UBE2E2: variants seen among roughly 807,000 people sequenced by gnomAD.
The protein encoded by UBE2E2 is ubiquitin conjugating enzyme E2 E2, also known as ubiquitin-conjugating enzyme E2 E2.
In UBE2E2, 6 loss-of-function variants were observed where a neutral mutation model predicts 24.7. The observed-to-expected ratio is 0.24, with a 90% CI of 0.13 to 0.48. UBE2E2 has a LOEUF of 0.48. UBE2E2 is among the 20% of genes least tolerant of loss of function. The pLI is 0.99. For synonymous variants in UBE2E2, 104 were observed against 83.6 expected (o/e 1.24, Z -1.33); for missense variants, 169 against 245.0 (o/e 0.69, Z 2.07).
chr3:23,217,340 T>TG, intron 3 of UBE2E2, 28 bp downstream of exon 3: 1 of 1,605,046 alleles, frequency 6.2e-7, no homozygotes, highest in Non-Finnish European at 8.5e-7. Flanking sequence ...TTTATTTACT[T>TG]GTATCTTTTG....
intron 3 of UBE2E2, among the ~76,000 whole-genome samples, chr3:23,341,095 C>T (rs1450717221): frequency 1.3e-5 from 2 of 152,164 alleles, no homozygotes; most frequent in African/African-American, 4.8e-5. Context: ...AATCAGGAGC[C>T]TTGCATTGAA....
intron 3 of UBE2E2, among the ~76,000 whole-genome samples, chr3:23,371,754 A>C (rs1338693084): frequency 6.6e-6 from 1 of 152,116 alleles, no homozygotes; most frequent in African/African-American, 2.4e-5. Flanking sequence ...GCAGGAAGGG[A>C]ATGTCTTTGG....
intron 5 of UBE2E2, among the ~76,000 whole-genome samples, chr3:23,535,344 C>T (rs1360189546): frequency 6.6e-6 from 1 of 152,164 alleles, no homozygotes; most frequent in Non-Finnish European, 1.5e-5. Flanking sequence ...CCGATAAACA[C>T]CTACTCAGTT....
intron 3 of UBE2E2, among the ~76,000 whole-genome samples, chr3:23,242,894 T>A (rs1697294121): frequency 6.6e-6 from 1 of 152,076 alleles, no homozygotes; most frequent in Non-Finnish European, 1.5e-5. Flanking sequence ...GAGACCTGCC[T>A]GGCCAACATG....
At chr3:23,308,808 A>G (rs1294468937) in intron 3 of UBE2E2, among the ~76,000 whole-genome samples, 1 of 152,162 alleles carries the variant, frequency 6.6e-6, no homozygotes, top group Non-Finnish European at 1.5e-5. Flanking sequence ...AGCCGGTAGC[A>G]TGGCTCTCTC....
chr3:23,348,067 G>A (rs567043898), intron 3 of UBE2E2, among the ~76,000 whole-genome samples: 1 of 152,140 alleles, frequency 6.6e-6, no homozygotes, highest in African/African-American at 2.4e-5. Context: ...AAAGGAGAGG[G>A]GTAGGACACA....
At chr3:23,302,172 A>G (rs1699115064) in intron 3 of UBE2E2, among the ~76,000 whole-genome samples, 1 of 152,112 alleles carries the variant, frequency 6.6e-6, no homozygotes, top group African/African-American at 2.4e-5. Context: ...CCTTCCAGCC[A>G]TATCCAGTCT....
intron 4 of UBE2E2, among the ~76,000 whole-genome samples, chr3:23,525,392 A>T (rs1463795083): frequency 2.0e-5 from 3 of 152,234 alleles, no homozygotes; most frequent in Non-Finnish European, 1.5e-5. Context: ...TTTATCACAC[A>T]TAAATTAAAA....
At chr3:23,571,678 A>G (rs564254728) in intron 5 of UBE2E2, among the ~76,000 whole-genome samples, 3 of 152,238 alleles carry the variant, frequency 2.0e-5, no homozygotes, top group East Asian at 1.9e-4. Flanking sequence ...CAGCTAGTCT[A>G]GGAGCAGGTC....
At chr3:23,552,948 T>G (rs966878917) in intron 5 of UBE2E2, among the ~76,000 whole-genome samples, 4 of 152,236 alleles carry the variant, frequency 2.6e-5, no homozygotes, top group African/African-American at 4.8e-5. Context: ...TAGTATTTTC[T>G]ATGTAAATTT....
chr3:23,398,131 G>A (rs921088388), intron 3 of UBE2E2, among the ~76,000 whole-genome samples: 2 of 151,974 alleles, frequency 1.3e-5, no homozygotes. Context: ...TGGCCAACAT[G>A]GTGAAACCCT....
chr3:23,534,319 C>A, intron 5 of UBE2E2: 2 of 856,520 alleles, frequency 2.3e-6, no homozygotes, highest in Non-Finnish European at 2.8e-6. Flanking sequence ...GACTTCTGTT[C>A]AGTGAACTAG....
At chr3:23,336,483 C>G (rs1695214699) in intron 3 of UBE2E2, among the ~76,000 whole-genome samples, 2 of 152,164 alleles carry the variant, frequency 1.3e-5, no homozygotes, top group Admixed American at 1.3e-4. Flanking sequence ...AGGAGGTCTG[C>G]TGAACTGAGA....
At chr3:23,498,701 G>A (rs952360246) in intron 3 of UBE2E2, among the ~76,000 whole-genome samples, 2 of 152,022 alleles carry the variant, frequency 1.3e-5, no homozygotes, top group African/African-American at 4.8e-5. Context: ...CATTTTCTAG[G>A]GGCCAGGTGT....
chr3:23,479,944 A>G (rs1054513559), intron 3 of UBE2E2, among the ~76,000 whole-genome samples: 1 of 152,178 alleles, frequency 6.6e-6, no homozygotes, highest in Admixed American at 6.5e-5. Context: ...CCAGGTGGTC[A>G]TCAATGAAGT....
At chr3:23,580,187 T>G (rs1468841364) in intron 5 of UBE2E2, among the ~76,000 whole-genome samples, 1 of 152,228 alleles carries the variant, frequency 6.6e-6, no homozygotes, top group Non-Finnish European at 1.5e-5. Flanking sequence ...GTGGCAGGAT[T>G]TAAGAGGCTT....
intron 3 of UBE2E2, among the ~76,000 whole-genome samples, chr3:23,343,825 C>G (rs566839011): frequency 1.1e-4 from 16 of 152,274 alleles, no homozygotes; most frequent in Admixed American, 5.2e-4. Flanking sequence ...GTACTACTTT[C>G]CTATGTCTGG....
intron 3 of UBE2E2, among the ~76,000 whole-genome samples, chr3:23,401,545 G>A (rs950054472): frequency 6.6e-6 from 1 of 152,068 alleles, no homozygotes; most frequent in Non-Finnish European, 1.5e-5. Context: ...CAAAACCTGT[G>A]CTCCCAACTT....
chr3:23,530,094 C>A (rs567836949), intron 4 of UBE2E2, among the ~76,000 whole-genome samples: 134 of 152,196 alleles, frequency 8.8e-4, no homozygotes, highest in African/African-American at 2.9e-3. Context: ...ATAGGGGGAT[C>A]TTTTATATGT....
Sources: allele counts gnomAD v4.1 joint callset (sites outside exome capture counted in the v4.1 genomes callset), GRCh38; gene constraint gnomAD v4.1.1; transcripts MANE v1.5; gene names NCBI Gene and HGNC (gene_info 2026-07-23, HGNC 2026-07-21).